ARAP1: variants seen among roughly 807,000 people sequenced by gnomAD.
ARAP1 encodes ArfGAP with RhoGAP domain, ankyrin repeat and PH domain 1.
Under a neutral mutation model 172.2 loss-of-function variants are expected in ARAP1, and 76 were observed. The ratio of observed to expected loss-of-function variants is 0.44; its 90% CI spans 0.37 to 0.53. The LOEUF (loss-of-function observed/expected upper bound fraction) is 0.53, where lower values mean the gene tolerates loss of function less well. Ranked by LOEUF, ARAP1 falls within the 20% of genes least tolerant of loss-of-function variation. The pLI is 0.00. For synonymous variants in ARAP1, 804 were observed against 803.3 expected (o/e 1.00, Z -0.01); for missense variants, 1,686 against 1,977.5 (o/e 0.85, Z 2.80).
Position 72,685,599 on chromosome 11 carries a change from T to C in ARAP1, c.*65A>G. ...CTGGCTCACATCAGGCCTTGGAGCA[T>C]AAGGGGTGTCTGAACAGAAGGCTTC... On this transcript the variant is annotated 3_prime_UTR_variant, in exon 35 of 35. Coordinates refer to ENST00000393609, the MANE Select transcript of ARAP1 (RefSeq NM_001040118.3). 2 of 1,605,256 alleles carry C rather than the reference T, an allele frequency of 1.2e-6. No homozygotes were observed. Among genetic ancestry groups the C allele is most frequent in the Non-Finnish European group, 1.7e-6 (2 of 1,172,104 alleles).
In ARAP1 at chr11:72,693,882, C is replaced by G; in HGVS notation, c.3695-77G>C. ...CAAAGGCTGGCAGATGGGCACATATCACCTACACATCCCCTGTCCACTCCA... is the reference window on the plus strand; with the variant it reads ...CAAAGGCTGGCAGATGGGCACATATGACCTACACATCCCCTGTCCACTCCA... On this transcript the variant is annotated intron_variant, in intron 27 of 34. Transcript: ENST00000393609. This position sits in a 1 kb window ranked among gnomAD's most constrained non-coding sequence, Gnocchi z 4.6. 1.7e-6 allele frequency: 2 copies of G among 1,177,886 alleles called. No homozygotes were observed. The highest frequency in any genetic ancestry group is 2.6e-5 in the East Asian group (1 of 38,246). 73.0% of individuals were successfully genotyped at this position (1,177,886 alleles called of 1,614,324 possible). A position where few individuals can be genotyped will look rare whatever the true frequency, so the allele number is the denominator to read the frequency against.
Position 72,714,170 on chromosome 11 carries a change from G to C in ARAP1, c.661C>G (p.Arg221Gly). 2.0e-6 allele frequency: 3 copies of C among 1,502,326 alleles called. No individual in the cohort carries two copies. The highest frequency in any genetic ancestry group is 2.6e-6 in the Non-Finnish European group (3 of 1,132,168). The allele number at this position is 1,502,326 out of a possible 1,614,324, so 93.1% of individuals were successfully genotyped here. Reference protein sequence around the residue: ...CPPEIPPKPVRLFPEFDDSDY... With the variant: ...CPPEIPPKPVGLFPEFDDSDY... ...CACTCACCGAACTCTGGGAACAGGC[G>C]TACCGGCTTTGGAGGTATCTCCGGG... Residue 221 changes from arginine to glycine, a missense_variant, in exon 4 of 35, where the codon CGC becomes GGC. Transcript: ENST00000393609.
chr11:72,726,299 C>T lies in ARAP1; in HGVS notation c.509+321G>A, dbSNP rs990232698. Among the ~76,000 whole-genome samples, 9 of 152,070 alleles carry T rather than the reference C, an allele frequency of 5.9e-5. No individual in the cohort carries two copies. Among genetic ancestry groups the T allele is most frequent in the African/African-American group, 1.7e-4 (7 of 41,382 alleles). ...CAGTTGCCAGGTCCCAAGCTGAACT[C>T]GACTTCCTCCCAAAGTCACTTCTGT... On this transcript the variant is annotated intron_variant, in intron 3 of 34. Coordinates refer to ENST00000393609, the MANE Select transcript of ARAP1 (RefSeq NM_001040118.3). This position sits in a 1 kb window ranked among gnomAD's most constrained non-coding sequence, Gnocchi z 6.5.
chr11:72,714,797 C>G (rs750005003), intron 3 of ARAP1, among the ~76,000 whole-genome samples: 2 of 152,184 alleles, frequency 1.3e-5, no homozygotes, highest in Non-Finnish European at 2.9e-5. Context: ...TTGTGGGTCT[C>G]TGTCTCAAGA....
chr11:72,691,850 G>T (rs889137730), intron 30 of ARAP1, among the ~76,000 whole-genome samples: 23 of 152,160 alleles, frequency 1.5e-4, no homozygotes, highest in Non-Finnish European at 2.5e-4. Flanking sequence ...TTCCATGGGT[G>T]GGGGGATGGT....
chr11:72,724,238 C>T (rs1430341398), intron 3 of ARAP1, among the ~76,000 whole-genome samples: 1 of 152,190 alleles, frequency 6.6e-6, no homozygotes, highest in Admixed American at 6.5e-5. Context: ...ACATGCCTCA[C>T]ACTGACTCGA....
intron 30 of ARAP1, chr11:72,689,681 A>T (rs1855854211): frequency 6.6e-6 from 1 of 152,210 alleles, no homozygotes; most frequent in Non-Finnish European, 1.5e-5. Context: ...CTTAGTAAGG[A>T]CTTTTCACTC....
chr11:72,715,534 T>TTCTCTGCC (rs947699402), intron 3 of ARAP1, among the ~76,000 whole-genome samples: 3 of 151,620 alleles, frequency 2.0e-5, no homozygotes, highest in Admixed American at 6.6e-5. Context: ...CTTCTCCCTG[T>TTCTCTGCC]TCTCTGCCTG....
In ARAP1 at chr11:72,725,397, T is replaced by C. The variant is rs1857658232; in HGVS notation, c.509+1223A>G. ...CTCCTGCATGCAGAAGAATGGTCAC[T>C]AGAGGGCGCAAGGGCACCAGGAACC... On this transcript the variant is annotated intron_variant, in intron 3 of 34. Transcript: ENST00000393609. This position sits in a 1 kb window ranked among gnomAD's most constrained non-coding sequence, Gnocchi z 4.3. Among the ~76,000 whole-genome samples the C allele has an allele frequency of 6.6e-6, 1 of 151,864 alleles. No homozygotes were observed. Among genetic ancestry groups the C allele is most frequent in the Non-Finnish European group, 1.5e-5 (1 of 67,968 alleles).
At chr11:72,703,287 T>G in intron 14 of ARAP1, 2 of 529,316 alleles carry the variant, frequency 3.8e-6, no homozygotes, top group Middle Eastern at 4.9e-4. Context: ...AGGGGCTGCC[T>G]AGCAGAGGCC....
At chr11:72,712,759 G>T in intron 5 of ARAP1, 191 bp from the exon 6 acceptor site, 1 of 910,220 alleles carries the variant, frequency 1.1e-6, no homozygotes, top group Non-Finnish European at 1.7e-6. Context: ...GGACAGGAGA[G>T]CCAGTGGCAG....
intron 1 of ARAP1, among the ~76,000 whole-genome samples, chr11:72,735,629 T>C (rs80300075): frequency 0.12 from 18,678 of 152,178 alleles, 1,472 homozygotes; most frequent in Non-Finnish European, 0.18. Flanking sequence ...ACCTGCTATA[T>C]ACAGGCCAGG....
intron 18 of ARAP1, 46 bp from the exon 19 acceptor site, chr11:72,698,152 C>T (rs780670580): frequency 2.3e-5 from 35 of 1,520,724 alleles, no homozygotes; most frequent in Non-Finnish European, 3.1e-5. Flanking sequence ...AACGGCACTG[C>T]CTGCCCCAAT....
At chr11:72,688,871 C>A (rs770356992) in intron 30 of ARAP1, 10 of 285,090 alleles carry the variant, frequency 3.5e-5, no homozygotes, top group Non-Finnish European at 5.4e-5. Context: ...TGAAGTATCA[C>A]CCTGAATCAG....
chr11:72,699,080 C>T lies in ARAP1; in HGVS notation c.2466G>A (p.Thr822=), dbSNP rs778689795. 68 of 1,614,172 alleles carry T rather than the reference C, an allele frequency of 4.2e-5. No homozygotes were observed. Among genetic ancestry groups the T allele is most frequent in the Non-Finnish European group, 5.7e-5 (67 of 1,180,034 alleles). The stretch of plus-strand genomic sequence containing the variant: ...CAAACAGGTACAGCCGTTCTCCCTC[C>T]GTGTACACCTCAAAGGTGTGCTCAA... The part of the protein sequence containing the change: ...HGFEHTFEVY[T]EGERLYLFGL... Residue 822 remains threonine (T), a synonymous_variant, in exon 18 of 35, where the codon ACG becomes ACA. Coordinates refer to ENST00000393609, the MANE Select transcript of ARAP1 (RefSeq NM_001040118.3). The surrounding 1 kb of genome is among the most constrained non-coding windows in gnomAD (Gnocchi z 4.2).
At chr11:72,727,652 G>A (rs1857736283) in intron 2 of ARAP1, among the ~76,000 whole-genome samples, 1 of 152,160 alleles carries the variant, frequency 6.6e-6, no homozygotes, top group African/African-American at 2.4e-5. Flanking sequence ...GGTCCCTCCT[G>A]CAAGCCCAGT....
Position 72,710,562 on chromosome 11 carries a change from G to T in ARAP1, c.1239C>A (p.Ala413=). 1.9e-6 allele frequency: 3 copies of T among 1,609,718 alleles called. No homozygotes were observed. The highest frequency in any genetic ancestry group is 2.5e-6 in the Non-Finnish European group (3 of 1,179,750). Residue 413 remains alanine (A), a synonymous_variant, in exon 10 of 35, where the codon GCC becomes GCA. Transcript: ENST00000393609. This position sits in a 1 kb window ranked among gnomAD's most constrained non-coding sequence, Gnocchi z 4.3. The part of the protein sequence containing the change: ...SDVERKEWMQ[A]LQQAMAEQRA... ...GCTGCTCAGCCATGGCCTGCTGCAG[G>T]GCCTGCATCCACTCCTTCCGCTCCA...
chr11:72,726,740 G>T lies in ARAP1; in HGVS notation c.389C>A (p.Thr130Asn). The change falls in exon 3 of 35, where the codon ACC becomes AAC. Residue 130 changes from threonine (T) to asparagine (N), a missense_variant. Thr to Asn is a moderately conservative substitution (Grantham distance 65, BLOSUM62 0). Coordinates refer to ENST00000393609, the MANE Select transcript of ARAP1 (RefSeq NM_001040118.3). This position sits in a 1 kb window ranked among gnomAD's most constrained non-coding sequence, Gnocchi z 6.5. ...RRSCLPPTCF[T>N]TPSTAAPDPV... ...GTCTGGGGCAGCTGTGGATGGGGTG[G>T]TGAAGCAGGTGGGCGGAAGGCAGCT... is the stretch of plus-strand genomic sequence containing the variant. The T allele has an allele frequency of 6.8e-7, 1 of 1,469,066 alleles. No individual in the cohort carries two copies. The highest frequency in any genetic ancestry group is 1.2e-5 in the South Asian group (1 of 82,642). 91.0% of individuals were successfully genotyped at this position (1,469,066 alleles called of 1,614,324 possible).
chr11:72,707,163 C>T lies in ARAP1; in HGVS notation c.1723+12G>A, dbSNP rs936117891. The T allele has an allele frequency of 3.8e-6, 6 of 1,566,438 alleles. No individual in the cohort carries two copies. The highest frequency in any genetic ancestry group is 5.2e-6 in the Non-Finnish European group (6 of 1,153,758). On this transcript the variant is annotated intron_variant, in intron 12 of 34. Coordinates refer to ENST00000393609, the MANE Select transcript of ARAP1 (RefSeq NM_001040118.3). The stretch of plus-strand genomic sequence containing the variant: ...ATGCCTCTGCCTGGTGCCCCGACCC[C>T]CATGCACACACCTGCACAGCGCTTG...
Sources: gnomAD v4.1 joint callset for allele counts (sites outside exome capture counted in the v4.1 genomes callset) on GRCh38, gnomAD v4.1.1 for gene constraint, Gnocchi (gnomAD v3.1) non-coding constraint, MANE v1.5 for transcripts, NCBI Gene and HGNC (gene_info 2026-07-23, HGNC 2026-07-21) for gene names.